Variants in PITPNC1 observed in about 807,000 individuals in gnomAD.
The protein encoded by PITPNC1 is phosphatidylinositol transfer protein cytoplasmic 1, also known as cytoplasmic phosphatidylinositol transfer protein 1.
In PITPNC1, 18 loss-of-function variants were observed where a neutral mutation model predicts 44.7. The ratio of observed to expected loss-of-function variants is 0.40; its 90% confidence interval spans 0.28 to 0.60. PITPNC1 has a LOEUF of 0.60. PITPNC1 is among the 20% of genes least tolerant of loss of function. The probability of loss-of-function intolerance (pLI) is 0.39; values close to 1 mark genes in which losing one functional copy is unlikely to be tolerated. For synonymous variants in PITPNC1, 141 were observed against 149.6 expected, an observed-to-expected ratio of 0.94 and a Z score of 0.42; for missense variants, 290 against 418.4, an observed-to-expected ratio of 0.69 and a Z score of 2.68.
Position 67,508,574 on chromosome 17 carries a change from C to T in PITPNC1, c.49-24228C>T, listed in dbSNP as rs532152609. ...TCTCACGCCGACCTTCTGTCTCATC[C>T]TGTGACTTAGAATGCCTTAACTCTC... On this transcript the variant is annotated intron_variant, in intron 1 of 8. Transcript: ENST00000581322. The surrounding 1 kb of genome is among the most constrained non-coding windows in gnomAD (Gnocchi z 4.2). Among the ~76,000 whole-genome samples, 1 of 152,292 alleles carries T rather than the reference C, an allele frequency of 6.6e-6. No individual in the cohort carries two copies. The highest frequency in any genetic ancestry group is 1.9e-4 in the East Asian group (1 of 5,174).
chr17:67,436,191 G>C (rs959947725), intron 1 of PITPNC1, among the ~76,000 whole-genome samples: 14 of 150,440 alleles, frequency 9.3e-5, no homozygotes, highest in African/African-American at 3.5e-4. Context: ...TGTAGAGACA[G>C]GGTCTCACTT....
chr17:67,636,269 G>A (rs190560004), intron 6 of PITPNC1, among the ~76,000 whole-genome samples: 27 of 136,874 alleles, frequency 2.0e-4, no homozygotes, highest in African/African-American at 5.1e-4. Flanking sequence ...GCGACAGTGC[G>A]AGACTCCGTT....
At chr17:67,682,739 C>T (rs1415880768) in intron 8 of PITPNC1, among the ~76,000 whole-genome samples, 1 of 152,148 alleles carries the variant, frequency 6.6e-6, no homozygotes, top group African/African-American at 2.4e-5. Flanking sequence ...CCCAGTATTG[C>T]TGGCTTAAGG....
Position 67,692,685 on chromosome 17 carries a change from T to A in PITPNC1, c.796T>A (p.Ser266Thr). 1 of 1,613,786 alleles carries A rather than the reference T, an allele frequency of 6.2e-7. No homozygotes were observed. Among genetic ancestry groups the A allele is most frequent in the South Asian group, 1.1e-5 (1 of 91,068 alleles). Residue 266 changes from serine to threonine, a missense_variant, in exon 9 of 9, where the codon TCT becomes ACT. Physicochemically the swap from Ser to Thr is moderately conservative, Grantham distance 58. Coordinates refer to ENST00000581322, the MANE Select transcript of PITPNC1 (RefSeq NM_012417.4). The part of the protein sequence containing the change: ...ISISSIPLLP[S>T]SVRSAPSSAP... Reference sequence around the variant, plus strand: ...TATCTCCAGCATCCCCCTGCTGCCTTCTTCCGTCCGCAGTGCGCCTTCTAG... The same window carrying A: ...TATCTCCAGCATCCCCCTGCTGCCTACTTCCGTCCGCAGTGCGCCTTCTAG...
At chr17:67,578,843 G>A (rs1322776055) in intron 5 of PITPNC1, among the ~76,000 whole-genome samples, 1 of 152,176 alleles carries the variant, frequency 6.6e-6, no homozygotes, top group African/African-American at 2.4e-5. Context: ...TTAGCTGGGC[G>A]TGGTGGTGCA....
At chr17:67,483,412 G>A (rs1392927790) in intron 1 of PITPNC1, among the ~76,000 whole-genome samples, 1 of 152,186 alleles carries the variant, frequency 6.6e-6, no homozygotes, top group African/African-American at 2.4e-5. Flanking sequence ...CCTTGCCTCA[G>A]AGTTCTGAGT....
At chr17:67,510,712 C>T (rs1242928813) in intron 1 of PITPNC1, among the ~76,000 whole-genome samples, 1 of 152,112 alleles carries the variant, frequency 6.6e-6, no homozygotes, top group East Asian at 1.9e-4. Flanking sequence ...GATTCTCCTG[C>T]CTCAGCCTCC....
chr17:67,435,392 A>G (rs991753896), intron 1 of PITPNC1, among the ~76,000 whole-genome samples: 2 of 152,204 alleles, frequency 1.3e-5, no homozygotes, highest in African/African-American at 4.8e-5. Context: ...AGTGTCTAAC[A>G]TGTTACCCAG....
At chr17:67,402,454 T>A (rs2038330761) in intron 1 of PITPNC1, among the ~76,000 whole-genome samples, 1 of 152,176 alleles carries the variant, frequency 6.6e-6, no homozygotes. Context: ...AACTGCTGGC[T>A]GCTTCTGACA....
chr17:67,385,691 A>C (rs775949830), intron 1 of PITPNC1, among the ~76,000 whole-genome samples: 15 of 152,022 alleles, frequency 9.9e-5, no homozygotes, highest in Admixed American at 7.9e-4. Flanking sequence ...ATCTCCGGAC[A>C]CAGTTCCACA....
chr17:67,492,160 A>C (rs1488604665), intron 1 of PITPNC1, among the ~76,000 whole-genome samples: 3 of 152,158 alleles, frequency 2.0e-5, no homozygotes, highest in Non-Finnish European at 4.4e-5. Flanking sequence ...AAAATCTGAC[A>C]CCCAAGTAAC....
chr17:67,391,758 G>C (rs1945231809), intron 1 of PITPNC1, among the ~76,000 whole-genome samples: 2 of 152,100 alleles, frequency 1.3e-5, no homozygotes, highest in South Asian at 2.1e-4. Context: ...TGGGATTACA[G>C]GAGTGAGCCA....
At position 67,439,893 on chromosome 17, in the gene PITPNC1, G is replaced by T. The variant is rs552878674; in HGVS notation, c.48+61691G>T. The stretch of plus-strand genomic sequence containing the variant: ...GTGATGAATCAAGGAAAAAGATAAA[G>T]AAAAACAAACAAACAAACAAAAAAG... On this transcript the variant is annotated intron_variant, in intron 1 of 8. Coordinates refer to ENST00000581322, the MANE Select transcript of PITPNC1 (RefSeq NM_012417.4). Among the ~76,000 whole-genome samples, 26 of 151,888 alleles carry T rather than the reference G, an allele frequency of 1.7e-4. No homozygotes were observed. The South Asian group carries it at 5.0e-3, about 29-fold the overall frequency.
chr17:67,451,722 T>G (rs2039179661), intron 1 of PITPNC1, among the ~76,000 whole-genome samples: 1 of 151,476 alleles, frequency 6.6e-6, no homozygotes, highest in Admixed American at 6.6e-5. Context: ...CACTGCAATC[T>G]CCGCCTCCCG....
intron 6 of PITPNC1, among the ~76,000 whole-genome samples, chr17:67,658,994 CT>C (rs2042307036): frequency 6.6e-6 from 1 of 152,108 alleles, no homozygotes; most frequent in Non-Finnish European, 1.5e-5. Flanking sequence ...CCAAATTTCC[CT>C]GTTTAACTCC....
At chr17:67,618,364 CAAAAAAAA>C (rs11417487) in intron 5 of PITPNC1, among the ~76,000 whole-genome samples, 1 of 76,874 alleles carries the variant, frequency 1.3e-5, no homozygotes, top group Admixed American at 2.0e-4. Context: ...GACTCCGTCT[CAAAAAAAA>C]AAAAAAAAAA....
chr17:67,675,604 C>A, intron 8 of PITPNC1, 62 bp downstream of exon 8: 3 of 1,163,368 alleles, frequency 2.6e-6, no homozygotes, highest in South Asian at 1.2e-5. Context: ...GCTTTCTGTC[C>A]ATTTGGCTTC....
chr17:67,486,028 C>T (rs1460710200), intron 1 of PITPNC1, among the ~76,000 whole-genome samples: 1 of 152,146 alleles, frequency 6.6e-6, no homozygotes, highest in African/African-American at 2.4e-5. Flanking sequence ...TCCTTAGACG[C>T]ATTAAATAAA....
chr17:67,467,565 G>T (rs992848086), intron 1 of PITPNC1, among the ~76,000 whole-genome samples: 3 of 152,140 alleles, frequency 2.0e-5, no homozygotes, highest in South Asian at 2.1e-4. Flanking sequence ...TTGGAACCAG[G>T]TATTGCTTTC....
Sources: allele counts gnomAD v4.1 joint callset (sites outside exome capture counted in the v4.1 genomes callset), GRCh38; gene constraint gnomAD v4.1.1; non-coding constraint Gnocchi (gnomAD v3.1); transcripts MANE v1.5; gene names NCBI Gene and HGNC (gene_info 2026-07-23, HGNC 2026-07-21).